The following PRSS56 variants were observed in gnomAD, a reference collection of about 807,000 sequenced individuals.
PRSS56 encodes the protein serine protease 56, also known as protease, serine 56.
In PRSS56, 55 loss-of-function variants were observed where a neutral mutation model predicts 66.8. The observed-to-expected ratio is 0.82, with a 90% confidence interval of 0.66 to 1.03. The LOEUF (loss-of-function observed/expected upper bound fraction) is 1.03, where lower values mean the gene tolerates loss of function less well. Among genes scored for constraint, PRSS56 ranks in the 50% least tolerant of loss-of-function variants. PRSS56 has a pLI of 0.00. For missense variants in PRSS56, 869 were observed against 837.2 expected (o/e 1.04, Z -0.47); for synonymous variants, 409 against 387.9 (o/e 1.05, Z -0.64).
intron 2 of PRSS56, 145 bp downstream of exon 2, chr2:232,521,573 G>A: frequency 1.2e-6 from 1 of 804,146 alleles, no homozygotes; most frequent in Non-Finnish European, 2.0e-6. Context: ...GTTTGTGAAG[G>A]TCTGTCTCTC....
In PRSS56 at chr2:232,522,063, C is replaced by G; in HGVS notation, c.349C>G (p.Pro117Ala). The G allele has an allele frequency of 1.3e-6, 2 of 1,513,796 alleles. No individual in the cohort carries two copies. The highest frequency in any genetic ancestry group is 1.8e-6 in the Non-Finnish European group (2 of 1,137,478). The allele number at this position is 1,513,796 out of a possible 1,614,324, so 93.8% of individuals were successfully genotyped here. Reference protein sequence around the residue: ...GGSAAPPGAWPWLVRLQLGGQ... With the variant: ...GGSAAPPGAWAWLVRLQLGGQ... Reference sequence around the variant, plus strand: ...CAGCGCGGCGCCGCCCGGGGCCTGGCCCTGGCTGGTGAGGCTGCAGCTCGG... The same window carrying G: ...CAGCGCGGCGCCGCCCGGGGCCTGGGCCTGGCTGGTGAGGCTGCAGCTCGG... Residue 117 changes from proline to alanine, a missense_variant, in exon 4 of 13, where the codon CCC becomes GCC. This residue lies in a region of PRSS56 where 315 missense variants were observed against 313.7 expected (regional missense o/e 1.00). Coordinates refer to ENST00000617714, the MANE Select transcript of PRSS56 (RefSeq NM_001195129.2).
chr2:232,524,082 C>G lies in PRSS56; in HGVS notation c.1230C>G (p.Asn410Lys). The change falls in exon 10 of 13, where the codon AAC (asparagine) becomes AAG (lysine). Residue 410 changes from asparagine to lysine, a missense_variant. Around this residue, in one of 3 missense-constraint regions of PRSS56, gnomAD observed 551 missense variants for 506.9 expected, o/e 1.09. Transcript: ENST00000617714. ...LAHTLLGLLR[N>K]AQELLGPRPG... ...ACACGCTGCTGGGCCTGCTGCGGAA[C>G]GCGCAGGAGCTGCTCGGGCCTCGTC... 6.6e-7 allele frequency: 1 copy of G among 1,523,254 alleles called. No individual in the cohort carries two copies. Among genetic ancestry groups the G allele is most frequent in the Middle Eastern group, 2.0e-4 (1 of 5,090 alleles). 94.4% of individuals were successfully genotyped at this position (1,523,254 alleles called of 1,614,324 possible).
rs1256353200 is a variant in PRSS56, at chr2:232,525,299, C to T, written c.1605C>T (p.Ala535=). 3 of 1,523,510 alleles carry T rather than the reference C, an allele frequency of 2.0e-6. No individual in the cohort carries two copies. Among genetic ancestry groups the T allele is most frequent in the South Asian group, 2.4e-5 (2 of 83,224 alleles). 94.4% of individuals were successfully genotyped at this position (1,523,510 alleles called of 1,614,324 possible). A position where few individuals can be genotyped will look rare whatever the true frequency, so the allele number is the denominator to read the frequency against. The change falls in exon 13 of 13, where the codon GCC becomes GCT. Residue 535 remains alanine, a synonymous_variant. Transcript: ENST00000617714. The part of the protein sequence containing the change: ...VRAGLGGRHV[A]FSGLVGLEPA... ...CAGGCTTGGGGGGCCGGCATGTGGCCTTCAGCGGCCTGGTGGGCCTGGAGC... is the reference window on the plus strand; with the variant it reads ...CAGGCTTGGGGGGCCGGCATGTGGCTTTCAGCGGCCTGGTGGGCCTGGAGC...
chr2:232,520,694 A>G lies in PRSS56; in HGVS notation c.96A>G (p.Gln32=). The part of the protein sequence containing the change: ...LYTRLPPSAL[Q]VLSAQGTQAL... ...CACGCCTGCCCCCCAGCGCCCTGCAAGGTAAGTCCAGGCTGGCCCGAGAGC... is the reference window on the plus strand; with the variant it reads ...CACGCCTGCCCCCCAGCGCCCTGCAGGGTAAGTCCAGGCTGGCCCGAGAGC... Residue 32 remains glutamine (Q), a splice_region_variant and synonymous_variant, in exon 1 of 13, where the codon CAA becomes CAG. Transcript: ENST00000617714. 1.3e-6 allele frequency: 2 copies of G among 1,526,404 alleles called. No individual in the cohort carries two copies. The highest frequency in any genetic ancestry group is 1.8e-6 in the Non-Finnish European group (2 of 1,138,880). 94.6% of individuals were successfully genotyped at this position (1,526,404 alleles called of 1,614,324 possible).
chr2:232,522,314 C>T (rs1205914374), intron 4 of PRSS56, among the ~76,000 whole-genome samples, 154 bp downstream of exon 4: 1 of 152,084 alleles, frequency 6.6e-6, no homozygotes, highest in African/African-American at 2.4e-5. Context: ...GGCGCCGCGC[C>T]CGCCCCGCCA....
chr2:232,524,079 G>C lies in PRSS56; in HGVS notation c.1227G>C (p.Arg409=). 1 of 1,524,030 alleles carries C rather than the reference G, an allele frequency of 6.6e-7. No homozygotes were observed. Among genetic ancestry groups the C allele is most frequent in the Non-Finnish European group, 8.8e-7 (1 of 1,142,532 alleles). 94.4% of individuals were successfully genotyped at this position (1,524,030 alleles called of 1,614,324 possible). ...CGCACACGCTGCTGGGCCTGCTGCG[G>C]AACGCGCAGGAGCTGCTCGGGCCTC... ...SLAHTLLGLL[R]NAQELLGPRP... Residue 409 remains arginine (R), a synonymous_variant, in exon 10 of 13, where the codon CGG becomes CGC. Transcript: ENST00000617714.
In PRSS56 at chr2:232,523,063, G is replaced by A; in HGVS notation, c.710G>A (p.Gly237Glu). 2 of 1,534,842 alleles carry A rather than the reference G, an allele frequency of 1.3e-6. No individual in the cohort carries two copies. Among genetic ancestry groups the A allele is most frequent in the Non-Finnish European group, 1.7e-6 (2 of 1,146,218 alleles). ...GCCTTCCACCCCTTCCCTGCAGACG[G>A]GCCTGAGGCTGAAGCAGTGAGAGAG... The part of the protein sequence containing the change: ...IAGWGALFED[G>E]PEAEAVREAR... Residue 237 changes from glycine (G) to glutamate (E), a missense_variant, in exon 7 of 13, where the codon GGG (glycine) becomes GAG (glutamate). By Grantham distance (98) the Gly-to-Glu change is moderately conservative. This residue lies in a region of PRSS56 where 551 missense variants were observed against 506.9 expected (regional missense o/e 1.09). Coordinates refer to ENST00000617714, the MANE Select transcript of PRSS56 (RefSeq NM_001195129.2).
Position 232,520,686 on chromosome 2 carries a change from G to A in PRSS56, c.88G>A (p.Ala30Thr), listed in dbSNP as rs1550094. ...HPLYTRLPPS[A>T]LQVLSAQGTQ... ...ACTGTACACACGCCTGCCCCCCAGC[G>A]CCCTGCAAGGTAAGTCCAGGCTGGC... Residue 30 changes from alanine (A) to threonine (T), a missense_variant, in exon 1 of 13, where the codon GCC becomes ACC. Coordinates refer to ENST00000617714, the MANE Select transcript of PRSS56 (RefSeq NM_001195129.2). 1,061,845 of 1,530,984 alleles carry A rather than the reference G, an allele frequency of 0.69. 371,791 individuals are homozygous for A. Among genetic ancestry groups the A allele is most frequent in the East Asian group, 0.88 (35,832 of 40,812 alleles). The allele number at this position is 1,530,984 out of a possible 1,614,324, so 94.8% of individuals were successfully genotyped here.
chr2:232,525,057 G>A (rs1182897421), intron 12 of PRSS56, among the ~76,000 whole-genome samples, 159 bp from the exon 13 acceptor site: 1 of 148,676 alleles, frequency 6.7e-6, no homozygotes, highest in Non-Finnish European at 1.5e-5. Context: ...GGGAGAGTGA[G>A]TAGAGGGGTG....
Position 232,525,440 on chromosome 2 carries a change from GC to G in PRSS56, c.1749del (p.Leu585TrpfsTer81). 2.6e-6 allele frequency: 4 copies of G among 1,530,412 alleles called. No individual in the cohort carries two copies. The highest frequency in any genetic ancestry group is 3.5e-6 in the Non-Finnish European group (4 of 1,143,660). The allele number at this position is 1,530,412 out of a possible 1,614,324, so 94.8% of individuals were successfully genotyped here. The part of the protein sequence containing the change: ...EGPWMDVGQG[P>X]GLERKGHHPL... Reference sequence around the variant, plus strand: ...GACCCTGGATGGATGTAGGGCAGGGGCCCGGGCTGGAGAGGAAGGGGCACCA... The same window carrying G: ...GACCCTGGATGGATGTAGGGCAGGGGCCGGGCTGGAGAGGAAGGGGCACCA... On this transcript the variant is annotated frameshift_variant, in exon 13 of 13. Coordinates refer to ENST00000617714, the MANE Select transcript of PRSS56 (RefSeq NM_001195129.2). LOFTEE classifies it low-confidence loss of function (END_TRUNC).
chr2:232,524,187 G>C lies in PRSS56; in HGVS notation c.1335G>C (p.Glu445Asp). The C allele has an allele frequency of 6.5e-7, 1 of 1,529,914 alleles. No individual in the cohort carries two copies. Among genetic ancestry groups the C allele is most frequent in the Non-Finnish European group, 8.7e-7 (1 of 1,143,572 alleles). The allele number at this position is 1,529,914 out of a possible 1,614,324, so 94.8% of individuals were successfully genotyped here. Residue 445 changes from glutamate to aspartate, a missense_variant, in exon 10 of 13, where the codon GAG becomes GAC. Glu to Asp is a conservative substitution (Grantham distance 45). Around this residue, in one of 3 missense-constraint regions of PRSS56, gnomAD observed 551 missense variants for 506.9 expected, o/e 1.09. Coordinates refer to ENST00000617714, the MANE Select transcript of PRSS56 (RefSeq NM_001195129.2). ...LRESPLHPAR[E>D]LRLHSGSRAA... ...AGTCTCCTCTGCACCCCGCCCGGGA[G>C]CTGCGGCTTCACTCAGGTACCCCGC...
Position 232,521,992 on chromosome 2 carries a change from C to T in PRSS56, c.278C>T (p.Pro93Leu), listed in dbSNP as rs1013241242. 18 of 1,459,278 alleles carry T rather than the reference C, an allele frequency of 1.2e-5. No individual in the cohort carries two copies. The highest frequency in any genetic ancestry group is 2.5e-5 in the Admixed American group (1 of 40,578). The allele number at this position is 1,459,278 out of a possible 1,614,324, so 90.4% of individuals were successfully genotyped here. Residue 93 changes from proline (P) to leucine (L), a missense_variant, in exon 4 of 13, where the codon CCG becomes CTG. Transcript: ENST00000617714. ...CTAGGGCCGTGCGGCGAGAGGCGTC[C>T]GAGCACTGCCAATGTGACGCGGGCC... ...PEPGPCGERR[P>L]STANVTRAHG...
intron 2 of PRSS56, 134 bp downstream of exon 2, chr2:232,521,562 C>G (rs1440408492): frequency 1.2e-6 from 1 of 823,538 alleles, no homozygotes; most frequent in Admixed American, 2.1e-5. Flanking sequence ...ACCTAGACTA[C>G]GTTTGTGAAG....
At chr2:232,522,222 G>A (rs1335380044) in intron 4 of PRSS56, 62 bp downstream of exon 4, 3 of 1,342,412 alleles carry the variant, frequency 2.2e-6, no homozygotes, top group African/African-American at 1.5e-5. Flanking sequence ...CGCACCTGCC[G>A]GGTTGTCCGG....
rs961677756 is a variant in PRSS56, at chr2:232,522,150, T to C, written c.436T>C (p.Cys146Arg). 1.3e-6 allele frequency: 2 copies of C among 1,506,460 alleles called. No individual in the cohort carries two copies. Among genetic ancestry groups the C allele is most frequent in the Non-Finnish European group, 1.8e-6 (2 of 1,134,014 alleles). The allele number at this position is 1,506,460 out of a possible 1,614,324, so 93.3% of individuals were successfully genotyped here. Residue 146 changes from cysteine to arginine, a missense_variant, in exon 4 of 13, where the codon TGC (cysteine) becomes CGC (arginine). Physicochemically the swap from Cys to Arg is radical, Grantham distance 180. Around this residue, in one of 3 missense-constraint regions of PRSS56, gnomAD observed 315 missense variants for 313.7 expected, o/e 1.00. Transcript: ENST00000617714. The part of the protein sequence containing the change: ...AASWVLTAAH[C>R]FVGAPNELLW... ...CTCCTGGGTGCTCACGGCAGCGCAC[T>C]GCTTTGTAGGGTAAGTAGGACCCCC...
intron 3 of PRSS56, 34 bp from the exon 4 acceptor site, chr2:232,521,937 C>G: frequency 6.6e-7 from 1 of 1,515,220 alleles, no homozygotes; most frequent in African/African-American, 1.4e-5. Flanking sequence ...ATGGCCAGAA[C>G]ATGTCCCTCG....
rs1250157293 is a variant in PRSS56 at position 232,524,216 on chromosome 2, C to T, written c.1351+13C>T. 2.0e-6 allele frequency: 3 copies of T among 1,533,850 alleles called. No homozygotes were observed. Among genetic ancestry groups the T allele is most frequent in the Non-Finnish European group, 2.6e-6 (3 of 1,145,814 alleles). ...CGGCTTCACTCAGGTACCCCGCGCC[C>T]TCCAGCCCAGCCCAGCCCTGGCCCG... On this transcript the variant is annotated intron_variant, in intron 10 of 12. Transcript: ENST00000617714.
rs780295072 is a variant in PRSS56, at chr2:232,525,436, A to G, written c.1742A>G (p.Gln581Arg). The change falls in exon 13 of 13, where the codon CAG (glutamine) becomes CGG (arginine). Residue 581 changes from glutamine to arginine, a missense_variant. This residue lies in a region of PRSS56 where 551 missense variants were observed against 506.9 expected (regional missense o/e 1.09). Coordinates refer to ENST00000617714, the MANE Select transcript of PRSS56 (RefSeq NM_001195129.2). ...GAGGGACCCTGGATGGATGTAGGGC[A>G]GGGGCCCGGGCTGGAGAGGAAGGGG... The part of the protein sequence containing the change: ...EPEGPWMDVG[Q>R]GPGLERKGHH... 23 of 1,531,272 alleles carry G rather than the reference A, an allele frequency of 1.5e-5. 1 individual carries two copies. In the South Asian group the frequency reaches 2.6e-4, roughly 17 times the overall value. The allele number at this position is 1,531,272 out of a possible 1,614,324, so 94.9% of individuals were successfully genotyped here.
chr2:232,521,281 T>C lies in PRSS56; in HGVS notation c.98-40T>C, dbSNP rs543521263. ...GCCAGGAGGATGAGGCTGAGGCTCT[T>C]CCCCAACCACGCATGATTGTGTGCC... On this transcript the variant is annotated intron_variant, in intron 1 of 12. Coordinates refer to ENST00000617714, the MANE Select transcript of PRSS56 (RefSeq NM_001195129.2). 2.7e-5 allele frequency: 40 copies of C among 1,471,250 alleles called. No homozygotes were observed. The Admixed American group carries it at 6.9e-4, about 25-fold the overall frequency. The allele number at this position is 1,471,250 out of a possible 1,614,324, so 91.1% of individuals were successfully genotyped here. A position where few individuals can be genotyped will look rare whatever the true frequency, so the allele number is the denominator to read the frequency against.
Sources: gnomAD v4.1 joint callset for allele counts (sites outside exome capture counted in the v4.1 genomes callset) on GRCh38, gnomAD v4.1.1 for gene constraint, gnomAD v4.1.1 regional missense constraint, MANE v1.5 for transcripts, NCBI Gene and HGNC (gene_info 2026-07-23, HGNC 2026-07-21) for gene names.